The following ZFPM1 variants were observed in gnomAD, a reference collection of about 807,000 sequenced individuals.
ZFPM1 encodes the protein zinc finger protein ZFPM1.
A neutral mutation model predicts 46.3 loss-of-function variants in ZFPM1; 28 were observed. That is an observed-to-expected ratio of 0.60 (90% confidence interval 0.45 to 0.83). ZFPM1 has a LOEUF of 0.83. ZFPM1 is among the 40% of genes least tolerant of loss of function. The pLI is 0.00. For missense variants in ZFPM1, 1,878 were observed against 1,432.4 expected (o/e 1.31, Z -5.02); for synonymous variants, 957 against 675.9 (o/e 1.42, Z -6.45).
At position 88,462,419 on chromosome 16, in the gene ZFPM1, C is replaced by T. The variant is rs556140585; in HGVS notation, c.40+8741C>T. Among the ~76,000 whole-genome samples the T allele has an allele frequency of 2.1e-3, 320 of 152,360 alleles. 1 individual carries two copies. Among genetic ancestry groups the T allele is most frequent in the African/African-American group, 7.3e-3 (304 of 41,590 alleles). The stretch of plus-strand genomic sequence containing the variant: ...TTAGCTTTGGGTTCTCCACCCATTT[C>T]GCACGTGAGAAAATCGGGGGTCAGA... On this transcript the variant is annotated intron_variant, in intron 1 of 9. Transcript: ENST00000319555.
intron 3 of ZFPM1, among the ~76,000 whole-genome samples, chr16:88,490,617 G>A (rs542686677): frequency 7.9e-5 from 12 of 152,348 alleles, no homozygotes; most frequent in Admixed American, 1.3e-4. Context: ...TGTGCCCGCC[G>A]GTGCAAGTAG....
At chr16:88,492,266 T>C (rs1909625181) in intron 3 of ZFPM1, among the ~76,000 whole-genome samples, 1 of 152,118 alleles carries the variant, frequency 6.6e-6, no homozygotes, top group South Asian at 2.1e-4. Flanking sequence ...TTCTGTTTTA[T>C]GGTCTCTGGC....
Position 88,535,169 on chromosome 16 carries a change from G to A in ZFPM1, c.*190G>A, listed in dbSNP as rs1333828595. ...AAAGAAGTTCAGTTTGATGAGCATG[G>A]TGGTGGGCCAGCCTAGTTCTCTGAG... On this transcript the variant is annotated 3_prime_UTR_variant, in exon 10 of 10. Coordinates refer to ENST00000319555, the MANE Select transcript of ZFPM1 (RefSeq NM_153813.3). The A allele has an allele frequency of 6.4e-6, 4 of 622,814 alleles. No homozygotes were observed. Among genetic ancestry groups the A allele is most frequent in the Non-Finnish European group, 9.3e-6 (4 of 429,778 alleles). The allele number at this position is 622,814 out of a possible 1,614,324, so 38.6% of individuals were successfully genotyped here.
At position 88,497,864 on chromosome 16, in the gene ZFPM1, G is replaced by A. The variant is rs1198970122; in HGVS notation, c.268+8711G>A. Among the ~76,000 whole-genome samples, 2 of 152,192 alleles carry A rather than the reference G, an allele frequency of 1.3e-5. No homozygotes were observed. Among genetic ancestry groups the A allele is most frequent in the African/African-American group, 4.8e-5 (2 of 41,462 alleles). On this transcript the variant is annotated intron_variant, in intron 3 of 9. Coordinates refer to ENST00000319555, the MANE Select transcript of ZFPM1 (RefSeq NM_153813.3). This position sits in a 1 kb window ranked among gnomAD's most constrained non-coding sequence, Gnocchi z 5.4. ...CGAGCTCCATCTGACTAATCTCGCC[G>A]GCGGAGCGTCTACGCAAACCTCAAG...
chr16:88,474,386 G>A (rs1280510958), intron 1 of ZFPM1, among the ~76,000 whole-genome samples: 3 of 152,148 alleles, frequency 2.0e-5, no homozygotes, highest in Non-Finnish European at 2.9e-5. Flanking sequence ...GCAGCTGCCC[G>A]GCCAGGGTTC....
chr16:88,517,509 T>G (rs1911417492), intron 4 of ZFPM1, among the ~76,000 whole-genome samples: 1 of 146,608 alleles, frequency 6.8e-6, no homozygotes, highest in South Asian at 2.2e-4. Context: ...GATGGATGGA[T>G]GGATGGATGG....
chr16:88,522,364 G>T (rs1332067433), intron 4 of ZFPM1, among the ~76,000 whole-genome samples: 1 of 152,176 alleles, frequency 6.6e-6, no homozygotes, highest in Non-Finnish European at 1.5e-5. Context: ...TGGGGCCTCA[G>T]CAGCCTCAGC....
At position 88,531,918 on chromosome 16, in the gene ZFPM1, G is replaced by A. The variant is rs1401836435; in HGVS notation, c.713-84G>A. 81 of 1,372,842 alleles carry A rather than the reference G, an allele frequency of 5.9e-5. 1 individual carries two copies. Among genetic ancestry groups the A allele is most frequent in the South Asian group, 9.6e-5 (7 of 72,974 alleles). The allele number at this position is 1,372,842 out of a possible 1,614,324, so 85.0% of individuals were successfully genotyped here. On this transcript the variant is annotated intron_variant, in intron 6 of 9. Coordinates refer to ENST00000319555, the MANE Select transcript of ZFPM1 (RefSeq NM_153813.3). ...TGGGGAGGACGGTGGGGTCCGTCAC[G>A]GCCAGGCCCTGCCTCCGCCCACAGC... is the stretch of plus-strand genomic sequence containing the variant.
In ZFPM1 at chr16:88,480,879, C is replaced by T. The variant is rs1243752415; in HGVS notation, c.41-5060C>T. 6.6e-6 allele frequency among the ~76,000 whole-genome samples: 1 copy of T among 152,218 alleles called. No homozygotes were observed. The highest frequency in any genetic ancestry group is 2.4e-5 in the African/African-American group (1 of 41,458). ...TCCGCAAGACAGTCGTTCAAAGGAG[C>T]CCCCCAGCGCCTCGCCATCAAAGCC... On this transcript the variant is annotated intron_variant, in intron 1 of 9. Coordinates refer to ENST00000319555, the MANE Select transcript of ZFPM1 (RefSeq NM_153813.3). This position sits in a 1 kb window ranked among gnomAD's most constrained non-coding sequence, Gnocchi z 4.9.
At chr16:88,479,698 C>G (rs901579486) in intron 1 of ZFPM1, among the ~76,000 whole-genome samples, 2 of 151,000 alleles carry the variant, frequency 1.3e-5, no homozygotes, top group African/African-American at 4.9e-5. Flanking sequence ...TGCTGTGACC[C>G]CCCCCCACCC....
rs1913242888 is a variant in ZFPM1, at chr16:88,536,300, T to C, written c.*1321T>C. 1 of 152,160 alleles carries C rather than the reference T, an allele frequency of 6.6e-6. No individual in the cohort carries two copies. Among genetic ancestry groups the C allele is most frequent in the Admixed American group, 6.5e-5 (1 of 15,270 alleles). 9.4% of individuals were successfully genotyped at this position (152,160 alleles called of 1,614,324 possible). A position where few individuals can be genotyped will look rare whatever the true frequency, so the allele number is the denominator to read the frequency against. On this transcript the variant is annotated 3_prime_UTR_variant, in exon 10 of 10. Transcript: ENST00000319555. ...CATCTTCCTGCCTCAGCCTCCCAAG[T>C]AGCTGGGACTACAGGCTTGACCCAC...
Position 88,489,085 on chromosome 16 carries a change from A to T in ZFPM1, c.200A>T (p.Glu67Val), listed in dbSNP as rs773372162. ...CCCACATCCCCAGGAGGCCCCAAGG[A>T]GCTGGAAGGACAGGAACCAGAACCC... Reference protein sequence around the residue: ...PPPTSPGGPKELEGQEPEPRP... With the variant: ...PPPTSPGGPKVLEGQEPEPRP... The change falls in exon 3 of 10, where the codon GAG (glutamate) becomes GTG (valine). Residue 67 changes from glutamate (E) to valine (V), a missense_variant. Physicochemically the swap from Glu to Val is moderately radical, Grantham distance 121 (BLOSUM62 -2). Transcript: ENST00000319555. The T allele has an allele frequency of 1.9e-6, 3 of 1,613,102 alleles. No homozygotes were observed. The highest frequency in any genetic ancestry group is 2.5e-6 in the Non-Finnish European group (3 of 1,179,784).
In ZFPM1 at chr16:88,534,267, G is replaced by T. The variant is rs1913084933; in HGVS notation, c.2309G>T (p.Arg770Leu). The T allele has an allele frequency of 5.5e-6, 6 of 1,099,020 alleles. No individual in the cohort carries two copies. In the South Asian group the frequency reaches 1.3e-4, roughly 24 times the overall value. The allele number at this position is 1,099,020 out of a possible 1,614,324, so 68.1% of individuals were successfully genotyped here. The change falls in exon 10 of 10, where the codon CGG becomes CTG. Residue 770 changes from arginine to leucine, a missense_variant. Transcript: ENST00000319555. ...CACGCCCCCGCGCCCGAGTCGCCGC[G>T]GCCCGGAAGCGGAAGCGGAAGCGGC... ...PGHAPAPESPRPGSGSGSGPG... is the reference protein window; with the variant it reads ...PGHAPAPESPLPGSGSGSGPG...
At chr16:88,460,896 T>TGGGAGGCCTGGTGAGGACCCAGGGGC (rs1907788468) in intron 1 of ZFPM1, among the ~76,000 whole-genome samples, 1 of 110,580 alleles carries the variant, frequency 9.0e-6, no homozygotes, top group African/African-American at 3.3e-5. Flanking sequence ...GACTGAGGGA[T>TGGGAGGCCTGGTGAGGACCCAGGGGC]GGGAGGCCTG....
chr16:88,463,286 T>C (rs2142344871), intron 1 of ZFPM1, among the ~76,000 whole-genome samples: 1 of 152,282 alleles, frequency 6.6e-6, no homozygotes. Context: ...CAGCCCCCAG[T>C]GAGGGACCAG....
At chr16:88,461,188 CGGGAGGCCTGGTGAGGACCCAGGGGCGG>C (rs1907858869) in intron 1 of ZFPM1, among the ~76,000 whole-genome samples, 1 of 44,656 alleles carries the variant, frequency 2.2e-5, no homozygotes, top group African/African-American at 1.2e-4. Context: ...AGGGGCGGGG[CGGGAGGCCTGGTGAGGACCCAGGGGCGG>C]GAGGCCTGGT....
rs528267052 is a variant in ZFPM1, at chr16:88,518,401, G to A, written c.402+3881G>A. ...GGTGGCTGACAGGGTGGGTAGGTGCGTGGATGGATGGATGGATGATGGGTG... is the reference window on the plus strand; with the variant it reads ...GGTGGCTGACAGGGTGGGTAGGTGCATGGATGGATGGATGGATGATGGGTG... On this transcript the variant is annotated intron_variant, in intron 4 of 9. Transcript: ENST00000319555. Among the ~76,000 whole-genome samples, 9 of 149,876 alleles carry A rather than the reference G, an allele frequency of 6.0e-5. 1 individual carries two copies. In the South Asian group the frequency reaches 6.4e-4, roughly 11 times the overall value.
chr16:88,463,425 C>G (rs1192284321), intron 1 of ZFPM1, among the ~76,000 whole-genome samples: 2 of 152,174 alleles, frequency 1.3e-5, no homozygotes, highest in Admixed American at 6.5e-5. Context: ...CGGATGTGAC[C>G]CCAGGACCTA....
At chr16:88,470,898 C>T (rs1291575212) in intron 1 of ZFPM1, among the ~76,000 whole-genome samples, 3 of 152,024 alleles carry the variant, frequency 2.0e-5, no homozygotes, top group East Asian at 1.9e-4. Flanking sequence ...ACATCCTCGC[C>T]GAGCGCACAG....
Sources: gnomAD v4.1 joint callset for allele counts (sites outside exome capture counted in the v4.1 genomes callset) on GRCh38, gnomAD v4.1.1 for gene constraint, Gnocchi (gnomAD v3.1) non-coding constraint, MANE v1.5 for transcripts, NCBI Gene and HGNC (gene_info 2026-07-23, HGNC 2026-07-21) for gene names.